Variants in CHLSN observed in about 807,000 individuals in gnomAD.
The protein encoded by CHLSN is cholesin.
chr7:1,046,595 G>C, the CHLSN span, among the ~76,000 whole-genome samples: 6,724 of 152,252 alleles, frequency 0.044, 486 homozygotes, highest in African/African-American at 0.15. Flanking sequence ...GCTCCAATTT[G>C]AGATCCCAAA....
At chr7:1,122,149 G>A in the CHLSN span, among the ~76,000 whole-genome samples, 1 of 152,182 alleles carries the variant, frequency 6.6e-6, no homozygotes, top group Non-Finnish European at 1.5e-5. Flanking sequence ...AGGACCAGCT[G>A]GCCAGGTGAC....
chr7:1,026,262 C>T, the CHLSN span: 2 of 152,364 alleles, frequency 1.3e-5, no homozygotes, highest in East Asian at 3.9e-4. Flanking sequence ...ACTATTGGAC[C>T]AGTTGAGGGT....
At chr7:1,092,185 T>C in the CHLSN span, 1 of 1,613,318 alleles carries the variant, frequency 6.2e-7, no homozygotes, top group Non-Finnish European at 8.5e-7. Flanking sequence ...CTGGATGAGC[T>C]TCGACCGCTA....
the CHLSN span, among the ~76,000 whole-genome samples, chr7:1,106,409 A>G: frequency 3.3e-5 from 5 of 152,278 alleles, no homozygotes; most frequent in Admixed American, 2.6e-4. Flanking sequence ...GGGGGAGAGG[A>G]CAGAGCCAAG....
the CHLSN span, among the ~76,000 whole-genome samples, chr7:1,131,174 G>A: frequency 3.6e-5 from 4 of 110,520 alleles, no homozygotes; most frequent in Non-Finnish European, 5.3e-5. Flanking sequence ...CTGGGCAAAA[G>A]AATGAGACCT....
the CHLSN span, chr7:987,336 C>A: frequency 6.4e-7 from 1 of 1,567,686 alleles, no homozygotes; most frequent in Non-Finnish European, 8.6e-7. Context: ...GCGGCCCACC[C>A]TTTGCCCCAG....
chr7:1,012,205 G>T, the CHLSN span, among the ~76,000 whole-genome samples: 3 of 152,260 alleles, frequency 2.0e-5, no homozygotes, highest in East Asian at 3.9e-4. Context: ...GGCTGCACAG[G>T]GGCCGCCGCG....
chr7:1,014,427 G>A, the CHLSN span, among the ~76,000 whole-genome samples: 2 of 152,188 alleles, frequency 1.3e-5, no homozygotes, highest in Admixed American at 6.5e-5. Context: ...GCTCCTTTCC[G>A]CCCACCCCAC....
chr7:1,093,201 G>T, the CHLSN span: 53 of 517,180 alleles, frequency 1.0e-4, no homozygotes, highest in African/African-American at 9.4e-4. Context: ...TGACACCGTC[G>T]ACCAGGAAAG....
the CHLSN span, among the ~76,000 whole-genome samples, chr7:1,100,818 G>A: frequency 1.3e-5 from 2 of 151,612 alleles, no homozygotes; most frequent in Admixed American, 1.3e-4. Context: ...TACCCATCTC[G>A]CCCACAGGCA....
chr7:985,037 C>T, the CHLSN span: 110 of 1,612,408 alleles, frequency 6.8e-5, no homozygotes, highest in Non-Finnish European at 7.5e-5. Context: ...GGCCGGGAGC[C>T]GGTGGCTGAC....
At chr7:1,052,285 C>T in the CHLSN span, among the ~76,000 whole-genome samples, 2 of 152,236 alleles carry the variant, frequency 1.3e-5, no homozygotes, top group African/African-American at 4.8e-5. The surrounding 1 kb of genome is among the most constrained non-coding windows in gnomAD (Gnocchi z 4.2). Flanking sequence ...CCTGCAGCGT[C>T]CAGCTCGGCT....
the CHLSN span, among the ~76,000 whole-genome samples, chr7:1,062,045 G>A: frequency 6.6e-6 from 1 of 152,250 alleles, no homozygotes; most frequent in African/African-American, 2.4e-5. Context: ...ACACCAGGAT[G>A]CGAGTTTTTC....
chr7:1,024,728 A>C, the CHLSN span: 1 of 152,124 alleles, frequency 6.6e-6, no homozygotes, highest in Non-Finnish European at 1.5e-5. Flanking sequence ...CGGGAGGGAC[A>C]CCCAGGCTGA....
chr7:1,112,676 C>A, the CHLSN span, among the ~76,000 whole-genome samples: 6 of 148,552 alleles, frequency 4.0e-5, no homozygotes, highest in Non-Finnish European at 1.5e-5. Flanking sequence ...CTGTCCTCTT[C>A]GAAACGGGAG....
chr7:1,063,862 C>A, the CHLSN span, among the ~76,000 whole-genome samples: 8 of 152,220 alleles, frequency 5.3e-5, no homozygotes, highest in Non-Finnish European at 1.0e-4. Context: ...ACCCCTGTAC[C>A]TGTGCTGTTC....
chr7:999,412 AGCTTGCAATAGGGCTTACAATCG>A, the CHLSN span, among the ~76,000 whole-genome samples: 227 of 147,000 alleles, frequency 1.5e-3, no homozygotes, highest in African/African-American at 5.9e-3. Flanking sequence ...CGATTACCGG[AGCTTGCAATAGGGCTTACAATCG>A]GCTTGCAATA....
At chr7:985,179 G>T in the CHLSN span, 3 of 1,575,496 alleles carry the variant, frequency 1.9e-6, no homozygotes, top group Non-Finnish European at 2.6e-6. Flanking sequence ...GGCCCTTCCC[G>T]CTGGCCCTAC....
At chr7:981,189 G>A in the CHLSN span, among the ~76,000 whole-genome samples, 2 of 151,802 alleles carry the variant, frequency 1.3e-5, no homozygotes, top group African/African-American at 4.8e-5. Context: ...CCAGCTACCC[G>A]GGAGGCTGAG....
Sources: gnomAD v4.1 joint callset for allele counts (sites outside exome capture counted in the v4.1 genomes callset) on GRCh38, gnomAD v4.1.1 for gene constraint, Gnocchi (gnomAD v3.1) non-coding constraint, MANE v1.5 for transcripts, NCBI Gene and HGNC (gene_info 2026-07-23, HGNC 2026-07-21) for gene names.